The following SYN2 variants were observed in gnomAD, a reference collection of about 807,000 sequenced individuals.
SYN2 encodes the protein synapsin-2.
Under a neutral mutation model 50.9 loss-of-function variants are expected in SYN2, and 19 were observed. The observed-to-expected ratio is 0.37, with a 90% confidence interval of 0.26 to 0.55. The LOEUF (loss-of-function observed/expected upper bound fraction) is 0.55, where lower values mean the gene tolerates loss of function less well. Ranked by LOEUF, SYN2 falls within the 20% of genes least tolerant of loss-of-function variation. The pLI is 0.81. For missense variants in SYN2, 587 were observed against 576.4 expected, an observed-to-expected ratio of 1.02 and a Z score of -0.19; for synonymous variants, 255 against 224.9, an observed-to-expected ratio of 1.13 and a Z score of -1.20.
intron 1 of SYN2, among the ~76,000 whole-genome samples, chr3:12,121,403 G>T (rs913311771): frequency 6.6e-6 from 1 of 152,130 alleles, no homozygotes; most frequent in African/African-American, 2.4e-5. Context: ...TTATGCTATT[G>T]TAATGTTTTG....
chr3:12,060,403 G>A (rs1695087641), intron 1 of SYN2, among the ~76,000 whole-genome samples: 1 of 152,136 alleles, frequency 6.6e-6, no homozygotes, highest in South Asian at 2.1e-4. Flanking sequence ...CCACCTGGGA[G>A]AAGGGCATTT....
intron 1 of SYN2, among the ~76,000 whole-genome samples, chr3:12,010,972 A>G (rs940546459): frequency 2.0e-5 from 3 of 152,202 alleles, no homozygotes; most frequent in Non-Finnish European, 2.9e-5. Context: ...TGGGAATCTA[A>G]AACAAAAGAT....
intron 10 of SYN2, 88 bp from the exon 11 acceptor site, chr3:12,183,224 T>G (rs1252339099): frequency 6.7e-7 from 1 of 1,503,470 alleles, no homozygotes; most frequent in African/African-American, 1.4e-5. Context: ...CGGATTCCAC[T>G]GCGGCCTTGC....
intron 1 of SYN2, among the ~76,000 whole-genome samples, chr3:12,100,406 G>T (rs949222042): frequency 7.2e-5 from 11 of 152,248 alleles, no homozygotes; most frequent in Non-Finnish European, 1.2e-4. Flanking sequence ...TCAACAAAAG[G>T]TGCTGGGGCA....
At chr3:12,107,756 TA>T (rs146250099) in intron 1 of SYN2, among the ~76,000 whole-genome samples, 3,534 of 151,964 alleles carry the variant, frequency 0.023, 51 homozygotes, top group South Asian at 0.058. Context: ...AAATGCTATA[TA>T]AGAGGAGCAA....
intron 1 of SYN2, among the ~76,000 whole-genome samples, chr3:12,075,999 A>G (rs1399944685): frequency 1.3e-5 from 2 of 152,152 alleles, no homozygotes; most frequent in African/African-American, 2.4e-5. Flanking sequence ...CCTGTGAGGT[A>G]TATACTATTA....
At chr3:12,175,001 C>T (rs1221839011) in intron 10 of SYN2, among the ~76,000 whole-genome samples, 4 of 151,456 alleles carry the variant, frequency 2.6e-5, no homozygotes, top group Non-Finnish European at 5.9e-5. Flanking sequence ...GCCACTGTAT[C>T]TAGCACCTAG....
At chr3:12,037,253 G>A (rs1014525483) in intron 1 of SYN2, among the ~76,000 whole-genome samples, 4 of 151,984 alleles carry the variant, frequency 2.6e-5, no homozygotes, top group Admixed American at 2.6e-4. Context: ...TCTATTAATG[G>A]CAGTCTAGCC....
intron 1 of SYN2, among the ~76,000 whole-genome samples, chr3:12,108,446 C>T (rs2125193877): frequency 6.6e-6 from 1 of 152,282 alleles, no homozygotes; most frequent in South Asian, 2.1e-4. Context: ...TGCTATAAGC[C>T]ATAAACCCTT....
chr3:12,120,011 T>C (rs1487755185), intron 1 of SYN2, among the ~76,000 whole-genome samples: 3 of 152,128 alleles, frequency 2.0e-5, no homozygotes, highest in Admixed American at 6.6e-5. Context: ...GAATTTTTTT[T>C]CTAACAAAGA....
chr3:12,008,921 A>T (rs1693857684), intron 1 of SYN2, among the ~76,000 whole-genome samples: 1 of 152,230 alleles, frequency 6.6e-6, no homozygotes, highest in South Asian at 2.1e-4. Context: ...TTGATGCGTT[A>T]TCTAGGCGGT....
chr3:12,135,251 C>T (rs974979823), intron 1 of SYN2, among the ~76,000 whole-genome samples: 10 of 152,170 alleles, frequency 6.6e-5, no homozygotes, highest in Non-Finnish European at 1.2e-4. Context: ...CACAAACTTG[C>T]ACCAGGACAG....
At chr3:12,063,176 C>CA (rs1311707878) in intron 1 of SYN2, among the ~76,000 whole-genome samples, 1 of 151,872 alleles carries the variant, frequency 6.6e-6, no homozygotes, top group African/African-American at 2.4e-5. Flanking sequence ...TGACACTATG[C>CA]AAAATCTATG....
chr3:12,024,051 C>A (rs1574892757), intron 1 of SYN2, among the ~76,000 whole-genome samples: 1 of 151,272 alleles, frequency 6.6e-6, no homozygotes, highest in Admixed American at 6.6e-5. Context: ...GTTTGTAACT[C>A]ATTGAGTTTT....
At chr3:12,027,360 T>C (rs976210197) in intron 1 of SYN2, among the ~76,000 whole-genome samples, 2 of 152,174 alleles carry the variant, frequency 1.3e-5, no homozygotes, top group African/African-American at 4.8e-5. Flanking sequence ...GCCTGTGAAT[T>C]ACATTAGGTT....
intron 5 of SYN2, among the ~76,000 whole-genome samples, chr3:12,158,294 T>C (rs1697518959): frequency 6.6e-6 from 1 of 152,144 alleles, no homozygotes; most frequent in African/African-American, 2.4e-5. Context: ...TGTGTTGCCA[T>C]AGGGGCTTGG....
chr3:12,092,151 G>A (rs1282339412), intron 1 of SYN2, among the ~76,000 whole-genome samples: 1 of 152,034 alleles, frequency 6.6e-6, no homozygotes, highest in African/African-American at 2.4e-5. Flanking sequence ...GATTATCAGA[G>A]GATACTTGGA....
At chr3:12,109,802 A>G (rs1037949661) in intron 1 of SYN2, among the ~76,000 whole-genome samples, 11 of 152,346 alleles carry the variant, frequency 7.2e-5, no homozygotes, top group African/African-American at 2.4e-4. Context: ...ACTTGGGAGA[A>G]ATTCAGATCT....
chr3:12,112,767 C>A (rs143246155), intron 1 of SYN2, among the ~76,000 whole-genome samples: 1 of 152,012 alleles, frequency 6.6e-6, no homozygotes, highest in Non-Finnish European at 1.5e-5. Flanking sequence ...CGTGAAAGTT[C>A]ATTATACTAT....
Sources: allele counts gnomAD v4.1 joint callset (sites outside exome capture counted in the v4.1 genomes callset), GRCh38; gene constraint gnomAD v4.1.1; transcripts MANE v1.5; gene names NCBI Gene and HGNC (gene_info 2026-07-23, HGNC 2026-07-21).